The following XKR5 variants were observed in gnomAD, a reference collection of about 807,000 sequenced individuals.
The protein encoded by XKR5 is XK related 5, also known as XK-related protein 5.
Under a neutral mutation model 40.8 loss-of-function variants are expected in XKR5, and 46 were observed. That is an observed-to-expected ratio of 1.13 (90% confidence interval 0.89 to 1.44). The LOEUF (loss-of-function observed/expected upper bound fraction) is 1.44, where lower values mean the gene tolerates loss of function less well. XKR5 is among the 40% of genes most tolerant of loss of function. The pLI is 0.00. For synonymous variants in XKR5, 466 were observed against 356.1 expected, an observed-to-expected ratio of 1.31 and a Z score of -3.48; for missense variants, 1,169 against 844.7, an observed-to-expected ratio of 1.38 and a Z score of -4.76.
At position 6,835,511 on chromosome 8, in the gene XKR5, C is replaced by A; in HGVS notation, c.-18G>T. The A allele has an allele frequency of 1.3e-6, 2 of 1,491,842 alleles. No homozygotes were observed. Among genetic ancestry groups the A allele is most frequent in the Non-Finnish European group, 1.8e-6 (2 of 1,126,692 alleles). The allele number at this position is 1,491,842 out of a possible 1,614,324, so 92.4% of individuals were successfully genotyped here. ...GCGTGCATCTTCCGTGCCGACCCCG[C>A]AGCCTGCGCCCGCCCCTTCCCCTGC... On this transcript the variant is annotated 5_prime_UTR_variant, in exon 1 of 7. Transcript: ENST00000618742.
intron 2 of XKR5, among the ~76,000 whole-genome samples, chr8:6,826,418 C>T (rs1429533500): frequency 2.0e-5 from 3 of 151,864 alleles, no homozygotes; most frequent in Admixed American, 6.6e-5. Context: ...ATACTTCCAG[C>T]AGTAATTGGT....
rs1803754148 is a variant in XKR5 at position 6,812,195 on chromosome 8, C to G, written c.1064G>C (p.Gly355Ala). ...TGAGCCTGAGCTCTCGGTTCTCTTCCCAGCTAGATCTGTGGCCCGGGGAGA... is the reference window on the plus strand; with the variant it reads ...TGAGCCTGAGCTCTCGGTTCTCTTCGCAGCTAGATCTGTGGCCCGGGGAGA... ...RDSPRATDLA[G>A]KRTESSGSCQ... Residue 355 changes from glycine to alanine, a missense_variant, in exon 7 of 7, where the codon GGG becomes GCG. Transcript: ENST00000618742. The G allele has an allele frequency of 6.4e-7, 1 of 1,551,818 alleles. No homozygotes were observed. The highest frequency in any genetic ancestry group is 2.0e-5 in the Admixed American group (1 of 51,014).
Position 6,828,829 on chromosome 8 carries a change from A to T in XKR5, c.243-3480T>A, listed in dbSNP as rs80089552. ...TCCAATGCCTGAGGATAAAATCCAAACTCCTTAATCCAGTAGAAAAGTTTC... is the reference window on the plus strand; with the variant it reads ...TCCAATGCCTGAGGATAAAATCCAATCTCCTTAATCCAGTAGAAAAGTTTC... On this transcript the variant is annotated intron_variant, in intron 2 of 6. Transcript: ENST00000618742. 2.5e-3 allele frequency among the ~76,000 whole-genome samples: 380 copies of T among 152,142 alleles called. 14 individuals are homozygous for T. In the East Asian group the frequency reaches 0.064, roughly 26 times the overall value.
At chr8:6,835,009 G>C (rs1804947183) in intron 1 of XKR5, among the ~76,000 whole-genome samples, 1 of 152,174 alleles carries the variant, frequency 6.6e-6, no homozygotes, top group Non-Finnish European at 1.5e-5. Flanking sequence ...CGGGGGTCGG[G>C]GGAGAGCCCG....
At position 6,832,900 on chromosome 8, in the gene XKR5, C is replaced by A; in HGVS notation, c.59G>T (p.Arg20Leu). 2 of 1,564,996 alleles carry A rather than the reference C, an allele frequency of 1.3e-6. No individual in the cohort carries two copies. Among genetic ancestry groups the A allele is most frequent in the African/African-American group, 1.4e-5 (1 of 72,412 alleles). Residue 20 changes from arginine to leucine, a missense_variant and splice_region_variant, in exon 2 of 7, where the codon CGC (arginine) becomes CTC (leucine). Coordinates refer to ENST00000618742, the MANE Select transcript of XKR5 (RefSeq NM_207411.5). ...GAAGTAGTAAGCCACGGTGTAAAGGCCTGGGTGAGAAGGGGAAAGGCAAGC... is the reference window on the plus strand; with the variant it reads ...GAAGTAGTAAGCCACGGTGTAAAGGACTGGGTGAGAAGGGGAAAGGCAAGC... ...ALLQAAEQSARLYTVAYYFTT... is the reference protein window; with the variant it reads ...ALLQAAEQSALLYTVAYYFTT...
intron 5 of XKR5, among the ~76,000 whole-genome samples, chr8:6,816,737 T>C (rs1803976256): frequency 6.8e-6 from 1 of 147,620 alleles, no homozygotes; most frequent in African/African-American, 2.5e-5. Flanking sequence ...ATATATATTT[T>C]AATATATTTA....
chr8:6,835,323 G>T lies in XKR5; in HGVS notation c.58+113C>A. On this transcript the variant is annotated intron_variant, in intron 1 of 6. Coordinates refer to ENST00000618742, the MANE Select transcript of XKR5 (RefSeq NM_207411.5). Reference sequence around the variant, plus strand: ...CCGTGCGTCACCGGCGCGCAGTGCTGGGCGCAGGCTGGGGCAGTGCCCGCC... The same window carrying T: ...CCGTGCGTCACCGGCGCGCAGTGCTTGGCGCAGGCTGGGGCAGTGCCCGCC... 3.6e-6 allele frequency: 4 copies of T among 1,126,304 alleles called. No homozygotes were observed. In the East Asian group the frequency reaches 9.7e-5, roughly 27 times the overall value. The allele number at this position is 1,126,304 out of a possible 1,614,324, so 69.8% of individuals were successfully genotyped here.
At chr8:6,830,883 C>A in intron 2 of XKR5, among the ~76,000 whole-genome samples, 1 of 152,094 alleles carries the variant, frequency 6.6e-6, no homozygotes, top group Non-Finnish European at 1.5e-5. Flanking sequence ...CTGTGAAATA[C>A]CAGCAGCATG....
In XKR5 at chr8:6,811,583, C is replaced by G. The variant is rs1397231706; in HGVS notation, c.1676G>C (p.Ser559Thr). 6.5e-7 allele frequency: 1 copy of G among 1,537,132 alleles called. No individual in the cohort carries two copies. Among genetic ancestry groups the G allele is most frequent in the Non-Finnish European group, 8.7e-7 (1 of 1,146,890 alleles). ...GTGGGCCGTTTGCAGAGTAGCTGGG[C>G]TGCCTTCTTGTTGTGAGGATGTGGC... is the stretch of plus-strand genomic sequence containing the variant. ...EVATSSQQEG[S>T]PATLQTAHSG... The change falls in exon 7 of 7, where the codon AGC (serine) becomes ACC (threonine). Residue 559 changes from serine (S) to threonine (T), a missense_variant. Physicochemically the swap from Ser to Thr is moderately conservative, Grantham distance 58. Coordinates refer to ENST00000618742, the MANE Select transcript of XKR5 (RefSeq NM_207411.5).
chr8:6,826,202 G>A (rs1334890042), intron 2 of XKR5, among the ~76,000 whole-genome samples: 1 of 152,096 alleles, frequency 6.6e-6, no homozygotes, highest in African/African-American at 2.4e-5. Context: ...CAAAACATAT[G>A]CATATGTATA....
At chr8:6,821,780 A>G (rs1804236753) in intron 5 of XKR5, 89 bp downstream of exon 5, 2 of 873,158 alleles carry the variant, frequency 2.3e-6, no homozygotes, top group African/African-American at 1.7e-5. Context: ...GCATTGGTGC[A>G]CACACACACA....
intron 1 of XKR5, among the ~76,000 whole-genome samples, chr8:6,833,985 G>A (rs1270640874): frequency 6.6e-6 from 1 of 152,148 alleles, no homozygotes; most frequent in African/African-American, 2.4e-5. Context: ...GAGAGAATGT[G>A]CACTCCGCAG....
At chr8:6,832,573 G>A in intron 2 of XKR5, 144 bp downstream of exon 2, 2 of 976,622 alleles carry the variant, frequency 2.0e-6, no homozygotes, top group Non-Finnish European at 1.5e-6. Context: ...CAATATCAGA[G>A]CAGGGGTTTG....
chr8:6,823,190 A>T (rs899025153), intron 4 of XKR5, among the ~76,000 whole-genome samples: 1 of 152,198 alleles, frequency 6.6e-6, no homozygotes, highest in African/African-American at 2.4e-5. Context: ...ATGCTCTTGA[A>T]TCTGGGCTGG....
At chr8:6,815,671 C>G (rs1281153082) in intron 6 of XKR5, 136 bp downstream of exon 6, 6 of 622,060 alleles carry the variant, frequency 9.6e-6, no homozygotes, top group Middle Eastern at 2.6e-4. Flanking sequence ...CTCTGCCCCC[C>G]ACATCGCAGT....
Position 6,823,686 on chromosome 8 carries a change from C to G in XKR5, c.472G>C (p.Val158Leu). Reference protein sequence around the residue: ...FSWSSLSWALVSYTRFMGFMK... With the variant: ...FSWSSLSWALLSYTRFMGFMK... ...AAGCCCATGAAGCGAGTGTAGGACA[C>G]CAGTGCCCAGGAGAGTGAGGACCAG... is the stretch of plus-strand genomic sequence containing the variant. Residue 158 changes from valine (V) to leucine (L), a missense_variant, in exon 4 of 7, where the codon GTG becomes CTG. Val to Leu is a conservative substitution (Grantham distance 32, BLOSUM62 1). Coordinates refer to ENST00000618742, the MANE Select transcript of XKR5 (RefSeq NM_207411.5). The G allele has an allele frequency of 6.3e-7, 1 of 1,590,406 alleles. No homozygotes were observed. The highest frequency in any genetic ancestry group is 8.6e-7 in the Non-Finnish European group (1 of 1,168,482).
At position 6,832,831 on chromosome 8, in the gene XKR5, A is replaced by G; in HGVS notation, c.128T>C (p.Leu43Pro). Reference protein sequence around the residue: ...LLWGWLALAVLLPGFLVQALS... With the variant: ...LLWGWLALAVPLPGFLVQALS... The stretch of plus-strand genomic sequence containing the variant: ...GGCCTGGACCAAGAACCCGGGCAGG[A>G]GGACAGCAAGGGCCAGCCACCCCCA... The change falls in exon 2 of 7, where the codon CTC becomes CCC. Residue 43 changes from leucine (L) to proline (P), a missense_variant. Leu to Pro is a moderately conservative substitution (Grantham distance 98). Coordinates refer to ENST00000618742, the MANE Select transcript of XKR5 (RefSeq NM_207411.5). 6.2e-7 allele frequency: 1 copy of G among 1,612,112 alleles called. No homozygotes were observed. The highest frequency in any genetic ancestry group is 8.5e-7 in the Non-Finnish European group (1 of 1,179,194).
chr8:6,819,852 T>TTTCC (rs1247199112), intron 5 of XKR5, among the ~76,000 whole-genome samples: 1 of 56,512 alleles, frequency 1.8e-5, no homozygotes, highest in Non-Finnish European at 3.7e-5. Context: ...CCTACCTTCC[T>TTTCC]TTCCTTCCTT....
At chr8:6,833,192 G>A (rs1372537768) in intron 1 of XKR5, among the ~76,000 whole-genome samples, 5 of 152,190 alleles carry the variant, frequency 3.3e-5, no homozygotes, top group Non-Finnish European at 5.9e-5. Context: ...TCATCCCAGG[G>A]CCCAGTGCCA....
Sources: allele counts gnomAD v4.1 joint callset (sites outside exome capture counted in the v4.1 genomes callset), GRCh38; gene constraint gnomAD v4.1.1; transcripts MANE v1.5; gene names NCBI Gene and HGNC (gene_info 2026-07-23, HGNC 2026-07-21).